The following PIK3C2A variants were observed in gnomAD, a reference collection of about 807,000 sequenced individuals.
PIK3C2A encodes phosphatidylinositol-4-phosphate 3-kinase catalytic subunit type 2 alpha, also known as phosphatidylinositol 4-phosphate 3-kinase C2 domain-containing subunit alpha.
Under a neutral mutation model 204.5 loss-of-function variants are expected in PIK3C2A, and 97 were observed. The observed-to-expected ratio is 0.47, with a 90% confidence interval of 0.40 to 0.56. The LOEUF (loss-of-function observed/expected upper bound fraction) is 0.56, where lower values mean the gene tolerates loss of function less well. Among genes scored for constraint, PIK3C2A ranks in the 20% least tolerant of loss-of-function variants. The pLI is 0.00. For synonymous variants in PIK3C2A, 653 were observed against 664.4 expected, an observed-to-expected ratio of 0.98 and a Z score of 0.26; for missense variants, 1,735 against 1,969.2, an observed-to-expected ratio of 0.88 and a Z score of 2.25.
At position 17,132,023 on chromosome 11, in the gene PIK3C2A, G is replaced by A. The variant is rs780368547; in HGVS notation, c.2124C>T (p.Tyr708=). 8 of 1,524,692 alleles carry A rather than the reference G, an allele frequency of 5.2e-6. No individual in the cohort carries two copies. Among genetic ancestry groups the A allele is most frequent in the Middle Eastern group, 3.5e-4 (2 of 5,680 alleles). The allele number at this position is 1,524,692 out of a possible 1,614,324, so 94.4% of individuals were successfully genotyped here. Residue 708 remains tyrosine (Y), a synonymous_variant, in exon 12 of 33, where the codon TAC becomes TAT. Coordinates refer to ENST00000691414, the MANE Select transcript of PIK3C2A (RefSeq NM_002645.4). ...SNWVSNYEKY[Y]LICSLSHNGK... ...CATTGTGAGACAGTGAACATATCAA[G>A]TAGTATTTTTCATAACTGAGAAAAG...
Position 17,132,113 on chromosome 11 carries a change from T to C in PIK3C2A, c.2109-75A>G, listed in dbSNP as rs376881567. 11 of 850,918 alleles carry C rather than the reference T, an allele frequency of 1.3e-5. No individual in the cohort carries two copies. The African/African-American group carries it at 1.4e-4, about 11-fold the overall frequency. The allele number at this position is 850,918 out of a possible 1,614,324, so 52.7% of individuals were successfully genotyped here. ...TTAACTAATACAAATACATTAGCAG[T>C]TCTTCCTCCAAAGAGACTAATATCT... On this transcript the variant is annotated intron_variant, in intron 11 of 32. Transcript: ENST00000691414.
intron 1 of PIK3C2A, among the ~76,000 whole-genome samples, chr11:17,185,232 G>C (rs147222905): frequency 1.3e-5 from 2 of 152,212 alleles, no homozygotes; most frequent in East Asian, 1.9e-4. Context: ...ATTGCCTACA[G>C]TATTTAGTAA....
rs193217657 is a variant in PIK3C2A at position 17,145,962 on chromosome 11, C to T, written c.1561-20G>A. 6.4e-6 allele frequency: 10 copies of T among 1,568,282 alleles called. No homozygotes were observed. The highest frequency in any genetic ancestry group is 1.4e-5 in the African/African-American group (1 of 73,784). On this transcript the variant is annotated intron_variant, in intron 6 of 32. Transcript: ENST00000691414. ...TTCTGCCTAAACAAACACATATACA[C>T]AAAAAAATCACATCCACTCTTTGGT...
At position 17,134,930 on chromosome 11, in the gene PIK3C2A, G is replaced by A. The variant is rs764762227; in HGVS notation, c.1997C>T (p.Pro666Leu). The A allele has an allele frequency of 3.7e-6, 6 of 1,613,686 alleles. No individual in the cohort carries two copies. The highest frequency in any genetic ancestry group is 1.3e-5 in the African/African-American group (1 of 74,898). Residue 666 changes from proline (P) to leucine (L), a missense_variant, in exon 11 of 33, where the codon CCT becomes CTT. Around this residue, in one of 6 missense-constraint regions of PIK3C2A, gnomAD observed 567 missense variants for 576.0 expected, o/e 0.98. Coordinates refer to ENST00000691414, the MANE Select transcript of PIK3C2A (RefSeq NM_002645.4). Reference protein sequence around the residue: ...LRLHANSGRSPTDCAQSSKSV... With the variant: ...LRLHANSGRSLTDCAQSSKSV... ...CTTGCTACTTTGGGCACAGTCTGTA[G>A]GACTCCTACCAGAATTTGCATGGAG... is the stretch of plus-strand genomic sequence containing the variant.
intron 20 of PIK3C2A, 46 bp downstream of exon 20, chr11:17,114,315 A>G (rs1849104992): frequency 3.9e-6 from 4 of 1,016,324 alleles, no homozygotes; most frequent in African/African-American, 1.6e-5. Flanking sequence ...CCTTCTTCCT[A>G]TTATTTTCAA....
At chr11:17,143,271 A>G (rs999924844) in intron 8 of PIK3C2A, among the ~76,000 whole-genome samples, 3 of 152,134 alleles carry the variant, frequency 2.0e-5, no homozygotes, top group African/African-American at 7.2e-5. Flanking sequence ...AATCTTTTCA[A>G]TTTTATCTCC....
At chr11:17,120,289 T>G (rs1464081579) in intron 15 of PIK3C2A, among the ~76,000 whole-genome samples, 1 of 151,268 alleles carries the variant, frequency 6.6e-6, no homozygotes, top group Non-Finnish European at 1.5e-5. Flanking sequence ...AAAAAGCAGA[T>G]CCCACCCTAA....
At chr11:17,194,597 T>C (rs917281247) in intron 1 of PIK3C2A, among the ~76,000 whole-genome samples, 1 of 152,176 alleles carries the variant, frequency 6.6e-6, no homozygotes, top group Non-Finnish European at 1.5e-5. Context: ...GTACATAAAG[T>C]TGTTAGACAT....
In PIK3C2A at chr11:17,094,404, AC is replaced by A; in HGVS notation, c.4327-20del. ...CATAAATCTGAAAAGAAATCACACC[AC>A]AAACACATAAAATTTATATTTAAAA... On this transcript the variant is annotated intron_variant, in intron 27 of 32. Transcript: ENST00000691414. The A allele has an allele frequency of 1.3e-6, 2 of 1,595,336 alleles. No individual in the cohort carries two copies. Among genetic ancestry groups the A allele is most frequent in the Non-Finnish European group, 1.7e-6 (2 of 1,167,130 alleles).
intron 23 of PIK3C2A, 131 bp from the exon 24 acceptor site, chr11:17,102,962 T>A: frequency 1.7e-6 from 1 of 577,924 alleles, no homozygotes; most frequent in Non-Finnish European, 2.9e-6. Context: ...GCATACAAAC[T>A]GGGATATAGT....
chr11:17,173,994 A>C (rs1429758273), intron 1 of PIK3C2A, among the ~76,000 whole-genome samples: 1 of 151,878 alleles, frequency 6.6e-6, no homozygotes, highest in Non-Finnish European at 1.5e-5. Context: ...GTAGAGACCA[A>C]AAAGTTTAGT....
chr11:17,150,796 G>A (rs2137435909), intron 3 of PIK3C2A, 141 bp from the exon 4 acceptor site: 1 of 455,624 alleles, frequency 2.2e-6, no homozygotes, highest in African/African-American at 2.0e-5. Flanking sequence ...CAATGAATGA[G>A]CTCCTGTTGA....
intron 13 of PIK3C2A, among the ~76,000 whole-genome samples, chr11:17,124,795 TTCTC>T (rs1175093894): frequency 1.3e-5 from 2 of 152,212 alleles, no homozygotes; most frequent in Non-Finnish European, 2.9e-5. Flanking sequence ...TTTGGTCTCC[TTCTC>T]TTTTTTTCTA....
intron 2 of PIK3C2A, among the ~76,000 whole-genome samples, chr11:17,155,880 T>C (rs1264732900): frequency 3.9e-5 from 6 of 152,222 alleles, no homozygotes; most frequent in African/African-American, 9.6e-5. Context: ...AAGAATGGAA[T>C]GCTAAAGACC....
At chr11:17,204,567 T>G (rs2137592955) in intron 1 of PIK3C2A, among the ~76,000 whole-genome samples, 1 of 152,262 alleles carries the variant, frequency 6.6e-6, no homozygotes, top group East Asian at 1.9e-4. Flanking sequence ...CTTTTCCATC[T>G]CCCAGCCCAG....
At chr11:17,155,425 G>A in intron 3 of PIK3C2A, 101 bp downstream of exon 3, 1 of 604,226 alleles carries the variant, frequency 1.7e-6, no homozygotes, top group Non-Finnish European at 2.9e-6. Context: ...TTAGCCACAA[G>A]AAGAAAATAA....
chr11:17,147,988 C>T (rs1433346896), intron 5 of PIK3C2A, among the ~76,000 whole-genome samples: 3 of 152,008 alleles, frequency 2.0e-5, no homozygotes, highest in Non-Finnish European at 2.9e-5. Flanking sequence ...GAGGCCGAGG[C>T]GGGTGGATCA....
intron 2 of PIK3C2A, among the ~76,000 whole-genome samples, chr11:17,160,784 A>G (rs1850748160): frequency 8.1e-6 from 1 of 123,030 alleles, no homozygotes; most frequent in Non-Finnish European, 1.9e-5. Flanking sequence ...AGGTTGCACC[A>G]TTACACTCTA....
intron 32 of PIK3C2A, among the ~76,000 whole-genome samples, chr11:17,091,103 A>T (rs1848297544): frequency 6.6e-6 from 1 of 151,988 alleles, no homozygotes; most frequent in Non-Finnish European, 1.5e-5. Flanking sequence ...AGGGGACAAC[A>T]CACACTGGGG....
Sources: allele counts gnomAD v4.1 joint callset (sites outside exome capture counted in the v4.1 genomes callset), GRCh38; gene constraint gnomAD v4.1.1; regional missense constraint gnomAD v4.1.1; transcripts MANE v1.5; gene names NCBI Gene and HGNC (gene_info 2026-07-23, HGNC 2026-07-21).